The following HDAC4 variants were observed in gnomAD, a reference collection of about 807,000 sequenced individuals.
HDAC4 encodes the protein histone deacetylase A.
Under a neutral mutation model 135.1 loss-of-function variants are expected in HDAC4, and 16 were observed. The observed-to-expected ratio is 0.12, with a 90% CI of 0.08 to 0.18. HDAC4 has a LOEUF of 0.18. HDAC4 is among the 10% of genes least tolerant of loss of function. The pLI is 1.00. For missense variants in HDAC4, 1,143 were observed against 1,511.8 expected, an observed-to-expected ratio of 0.76 and a Z score of 4.05; for synonymous variants, 685 against 653.4, an observed-to-expected ratio of 1.05 and a Z score of -0.74.
At chr2:239,168,823 G>A (rs1306712564) in intron 5 of HDAC4, among the ~76,000 whole-genome samples, 1 of 152,198 alleles carries the variant, frequency 6.6e-6, no homozygotes, top group Non-Finnish European at 1.5e-5. Context: ...ACACAAGCTT[G>A]CCAAGTACCC....
intron 3 of HDAC4, among the ~76,000 whole-genome samples, chr2:239,209,675 T>C (rs966528718): frequency 1.3e-5 from 2 of 152,214 alleles, no homozygotes; most frequent in Admixed American, 6.5e-5. Flanking sequence ...TACATTTAAA[T>C]TAAAATTTTC....
intron 3 of HDAC4, 97 bp from the exon 4 acceptor site, chr2:239,190,174 C>A: frequency 9.3e-7 from 1 of 1,070,342 alleles, no homozygotes. Context: ...CTTCACGGGG[C>A]GGGGGGGGGG....
In HDAC4 at chr2:239,051,187, C is replaced by T. The variant is rs4852010; in HGVS notation, c.*1910G>A. On this transcript the variant is annotated 3_prime_UTR_variant, in exon 27 of 27. Transcript: ENST00000543185. Reference sequence around the variant, plus strand: ...CTGCCCTTGCCACGGAGGGGAAAAACACACCACCCCTCGTAATACTACTAG... The same window carrying T: ...CTGCCCTTGCCACGGAGGGGAAAAATACACCACCCCTCGTAATACTACTAG... 49,369 of 152,316 alleles carry T rather than the reference C, an allele frequency of 0.32. 8,211 individuals carry two copies. Among genetic ancestry groups the T allele is most frequent in the Admixed American group, 0.45 (6,854 of 15,258 alleles). 9.4% of individuals were successfully genotyped at this position (152,316 alleles called of 1,614,324 possible).
In HDAC4 at chr2:239,146,752, G is replaced by A. The variant is rs989036167; in HGVS notation, c.734-2038C>T. Among the ~76,000 whole-genome samples the A allele has an allele frequency of 9.3e-6, 1 of 107,692 alleles. No individual in the cohort carries two copies. Among genetic ancestry groups the A allele is most frequent in the Admixed American group, 1.1e-4 (1 of 9,430 alleles). 70.7% of individuals were successfully genotyped at this position (107,692 alleles called of 152,430 possible). The stretch of plus-strand genomic sequence containing the variant: ...CCCCTTCCACAGGCCTCTGCTCCAC[G>A]CCCCTCCCAAGGCTGCCCTGACCCC... On this transcript the variant is annotated intron_variant, in intron 7 of 26. Transcript: ENST00000543185. The surrounding 1 kb of genome is among the most constrained non-coding windows in gnomAD (Gnocchi z 4.5).
At chr2:239,247,131 C>G (rs578258734) in intron 2 of HDAC4, among the ~76,000 whole-genome samples, 1 of 152,256 alleles carries the variant, frequency 6.6e-6, no homozygotes, top group African/African-American at 2.4e-5. Flanking sequence ...ACTAGCTCTG[C>G]GGTCTGCTCG....
chr2:239,392,201 G>A (rs868121136), intron 1 of HDAC4, among the ~76,000 whole-genome samples: 3 of 152,332 alleles, frequency 2.0e-5, no homozygotes, highest in Middle Eastern at 3.4e-3. Context: ...ACCGAGCTAC[G>A]CTGGGCTGTG....
At chr2:239,189,684 G>A (rs1048363916) in intron 4 of HDAC4, 149 bp downstream of exon 4, 3 of 732,162 alleles carry the variant, frequency 4.1e-6, no homozygotes, top group Non-Finnish European at 7.0e-6. Flanking sequence ...TTTGTTGCCT[G>A]GTGTTACCGT....
chr2:239,232,919 TC>T (rs1190626202), intron 3 of HDAC4, among the ~76,000 whole-genome samples: 9 of 128,232 alleles, frequency 7.0e-5, no homozygotes, highest in South Asian at 2.8e-4. Context: ...GGGTGGCCCT[TC>T]CCCTCAGCAA....
chr2:239,321,658 C>G (rs1284982301), intron 2 of HDAC4, among the ~76,000 whole-genome samples: 1 of 152,084 alleles, frequency 6.6e-6, no homozygotes, highest in East Asian at 1.9e-4. Flanking sequence ...TGACAACCAA[C>G]TCATGCTGCT....
At chr2:239,092,823 C>T (rs1486215713) in intron 17 of HDAC4, among the ~76,000 whole-genome samples, 1 of 152,132 alleles carries the variant, frequency 6.6e-6, no homozygotes, top group Non-Finnish European at 1.5e-5. Context: ...CAGGAAGGAG[C>T]AAATGGCTCA....
At chr2:239,165,497 T>A (rs2043070916) in intron 5 of HDAC4, among the ~76,000 whole-genome samples, 2 of 152,200 alleles carry the variant, frequency 1.3e-5, no homozygotes, top group South Asian at 4.1e-4. Context: ...TGTGTGTGTG[T>A]GTTTCATACT....
chr2:239,060,114 A>G lies in HDAC4; in HGVS notation c.3004-5281T>C, dbSNP rs372256138. Among the ~76,000 whole-genome samples, 28 of 152,328 alleles carry G rather than the reference A, an allele frequency of 1.8e-4. No homozygotes were observed. The South Asian group carries it at 5.0e-3, about 27-fold the overall frequency. ...TCAGTGCTTCAGCTCAGTGTGTCAC[A>G]TGGCACTCGGGGTACAAAATTCAGG... is the stretch of plus-strand genomic sequence containing the variant. On this transcript the variant is annotated intron_variant, in intron 24 of 26. Transcript: ENST00000543185.
rs551844524 is a variant in HDAC4 at position 239,102,115 on chromosome 2, C to A, written c.2233+661G>T. Among the ~76,000 whole-genome samples the A allele has an allele frequency of 2.6e-3, 390 of 151,434 alleles. 3 individuals are homozygous for A. The highest frequency in any genetic ancestry group is 4.4e-3 in the Non-Finnish European group (301 of 67,708). ...CCGGCCCGGGGTCCACGTTCTGTGC[C>A]CTGGAAGCCCCCGGCCCGGGGTCTG... On this transcript the variant is annotated intron_variant, in intron 16 of 26. Coordinates refer to ENST00000543185, the MANE Select transcript of HDAC4 (RefSeq NM_001378414.1).
At position 239,115,210 on chromosome 2, in the gene HDAC4, T is replaced by C. The variant is rs746958107; in HGVS notation, c.1634A>G (p.Tyr545Cys). The C allele has an allele frequency of 1.9e-6, 3 of 1,611,852 alleles. No individual in the cohort carries two copies. Among genetic ancestry groups the C allele is most frequent in the Non-Finnish European group, 2.5e-6 (3 of 1,179,868 alleles). ...REHQALLDEP[Y>C]LDRLPGQKEA... is the part of the protein sequence containing the mutation. The stretch of plus-strand genomic sequence containing the variant: ...CTTCTGCCCCGGCAGCCGGTCCAGG[T>C]AGGGCTCGTCCAGCAGAGCCTGGTG... Residue 545 changes from tyrosine to cysteine, a missense_variant, in exon 13 of 27, where the codon TAC becomes TGC. Tyr to Cys is a radical substitution (Grantham distance 194, BLOSUM62 -2). Coordinates refer to ENST00000543185, the MANE Select transcript of HDAC4 (RefSeq NM_001378414.1). This position sits in a 1 kb window ranked among gnomAD's most constrained non-coding sequence, Gnocchi z 6.3.
chr2:239,345,466 G>T (rs1370644928), intron 2 of HDAC4, among the ~76,000 whole-genome samples: 10 of 151,958 alleles, frequency 6.6e-5, no homozygotes, highest in Admixed American at 6.6e-4. Flanking sequence ...GGGAGCCTGA[G>T]GTGGGAGGAT....
chr2:239,060,629 G>A (rs1206988276), intron 24 of HDAC4, among the ~76,000 whole-genome samples: 1 of 152,246 alleles, frequency 6.6e-6, no homozygotes, highest in Non-Finnish European at 1.5e-5. Context: ...CGCCACTGCT[G>A]AAGACAGTTT....
rs1316753577 is a variant in HDAC4, at chr2:239,245,467, G to T, written c.23-8803C>A. ...CCAGTAAAAATTAAACATCGTTTGG[G>T]TATAAGATGATATGTAGGAATCATG... is the stretch of plus-strand genomic sequence containing the variant. On this transcript the variant is annotated intron_variant, in intron 2 of 26. Transcript: ENST00000543185. This position sits in a 1 kb window ranked among gnomAD's most constrained non-coding sequence, Gnocchi z 4.4. Among the ~76,000 whole-genome samples, 2 of 152,194 alleles carry T rather than the reference G, an allele frequency of 1.3e-5. No individual in the cohort carries two copies. The highest frequency in any genetic ancestry group is 2.9e-5 in the Non-Finnish European group (2 of 68,030).
intron 12 of HDAC4, among the ~76,000 whole-genome samples, chr2:239,125,116 G>T (rs1237552382): frequency 6.6e-6 from 1 of 152,236 alleles, no homozygotes; most frequent in East Asian, 1.9e-4. Flanking sequence ...CGACTGATAC[G>T]GTTTGGATCT....
chr2:239,179,184 T>C (rs1280826424), intron 4 of HDAC4, among the ~76,000 whole-genome samples: 2 of 152,144 alleles, frequency 1.3e-5, no homozygotes, highest in African/African-American at 4.8e-5. Context: ...CTGTGCTCCA[T>C]GAGTGGCTGC....
Sources: allele counts gnomAD v4.1 joint callset (sites outside exome capture counted in the v4.1 genomes callset), GRCh38; gene constraint gnomAD v4.1.1; non-coding constraint Gnocchi (gnomAD v3.1); transcripts MANE v1.5; gene names NCBI Gene and HGNC (gene_info 2026-07-23, HGNC 2026-07-21).